The following NEMF variants were observed in gnomAD, a reference collection of about 807,000 sequenced individuals.
NEMF encodes ribosome quality control complex subunit NEMF.
Under a neutral mutation model 162.2 loss-of-function variants are expected in NEMF, and 89 were observed. The ratio of observed to expected loss-of-function variants is 0.55; its 90% CI spans 0.46 to 0.65. The LOEUF is 0.65. Among genes scored for constraint, NEMF ranks in the 30% least tolerant of loss-of-function variants. The probability of loss-of-function intolerance (pLI) is 0.00; values close to 1 mark genes in which losing one functional copy is unlikely to be tolerated. For synonymous variants in NEMF, 421 were observed against 404.5 expected, an observed-to-expected ratio of 1.04 and a Z score of -0.49; for missense variants, 1,133 against 1,261.9, an observed-to-expected ratio of 0.90 and a Z score of 1.55.
Position 49,788,627 on chromosome 14 carries a change from G to A in NEMF, c.2895+519C>T, listed in dbSNP as rs61324615. On this transcript the variant is annotated intron_variant, in intron 28 of 32. Coordinates refer to ENST00000298310, the MANE Select transcript of NEMF (RefSeq NM_004713.6). The stretch of plus-strand genomic sequence containing the variant: ...GGCTGGAGTGCAGTGGCACAATCTC[G>A]GCTCACTGCAAGCTCTGCCTCCCAG... Among the ~76,000 whole-genome samples, 64 of 147,860 alleles carry A rather than the reference G, an allele frequency of 4.3e-4. No individual in the cohort carries two copies. In the South Asian group the frequency reaches 4.9e-3, roughly 11 times the overall value.
Position 49,784,677 on chromosome 14 carries a change from T to C in NEMF, c.3190A>G (p.Lys1064Glu). The change falls in exon 33 of 33, where the codon AAA becomes GAA. Residue 1064 changes from lysine (K) to glutamate (E), a missense_variant. Lys to Glu is a moderately conservative substitution (Grantham distance 56). Coordinates refer to ENST00000298310, the MANE Select transcript of NEMF (RefSeq NM_004713.6). ...DLSRNIPGKV[K>E]VSAPNLLNVK... ...TTCAGAAGATTGGGTGCAGACACTTTCACTTTGCCAGGAATGTTTCTTGAT... is the reference window on the plus strand; with the variant it reads ...TTCAGAAGATTGGGTGCAGACACTTCCACTTTGCCAGGAATGTTTCTTGAT... 4 of 1,612,796 alleles carry C rather than the reference T, an allele frequency of 2.5e-6. No individual in the cohort carries two copies. The highest frequency in any genetic ancestry group is 1.1e-5 in the South Asian group (1 of 90,784).
chr14:49,847,357 C>A (rs1342519442), intron 3 of NEMF, among the ~76,000 whole-genome samples: 1 of 151,962 alleles, frequency 6.6e-6, no homozygotes, highest in Non-Finnish European at 1.5e-5. Flanking sequence ...GCGCCCACTA[C>A]CACGCCTGGC....
chr14:49,846,226 T>C lies in NEMF; in HGVS notation c.271A>G (p.Lys91Glu), dbSNP rs879443386. The part of the protein sequence containing the change: ...HLKSRRLVSA[K>E]QLGVDRIVDF... ...ACAATTCTATCCACACCAAGCTGTTTTGCACTGACTAATCTCCGACTCTTC... is the reference window on the plus strand; with the variant it reads ...ACAATTCTATCCACACCAAGCTGTTCTGCACTGACTAATCTCCGACTCTTC... The change falls in exon 4 of 33, where the codon AAA becomes GAA. Residue 91 changes from lysine to glutamate, a missense_variant. Physicochemically the swap from Lys to Glu is moderately conservative, Grantham distance 56. Around this residue, in one of 3 missense-constraint regions of NEMF, gnomAD observed 582 missense variants for 631.5 expected, o/e 0.92. Coordinates refer to ENST00000298310, the MANE Select transcript of NEMF (RefSeq NM_004713.6). 8 of 1,613,742 alleles carry C rather than the reference T, an allele frequency of 5.0e-6. No individual in the cohort carries two copies. Among genetic ancestry groups the C allele is most frequent in the East Asian group, 4.5e-5 (2 of 44,870 alleles).
In NEMF at chr14:49,783,174, G is replaced by A; in HGVS notation, c.*1462C>T. 2.8e-6 allele frequency: 1 copy of A among 354,022 alleles called. No homozygotes were observed. Among genetic ancestry groups the A allele is most frequent in the Non-Finnish European group, 5.0e-6 (1 of 199,154 alleles). The allele number at this position is 354,022 out of a possible 1,614,324, so 21.9% of individuals were successfully genotyped here. A position where few individuals can be genotyped will look rare whatever the true frequency, so the allele number is the denominator to read the frequency against. ...TCTATTAAAGTAAAGTAATGGTTGG[G>A]CTTTTTACCCTGAAGAATGGTTGCT... On this transcript the variant is annotated 3_prime_UTR_variant, in exon 33 of 33. Transcript: ENST00000298310.
chr14:49,809,993 T>C (rs1045903983), intron 18 of NEMF, among the ~76,000 whole-genome samples: 1 of 151,998 alleles, frequency 6.6e-6, no homozygotes, highest in African/African-American at 2.4e-5. Flanking sequence ...TACGCATGCA[T>C]GCAGCAGGGG....
chr14:49,786,645 T>G, intron 29 of NEMF, 73 bp downstream of exon 29: 1 of 1,416,970 alleles, frequency 7.1e-7, no homozygotes, highest in Non-Finnish European at 9.9e-7. Context: ...TTTTAATAAG[T>G]TGTGTTTCAA....
intron 16 of NEMF, among the ~76,000 whole-genome samples, chr14:49,822,335 TAA>T (rs1228746886): frequency 2.5e-5 from 3 of 118,880 alleles, no homozygotes; most frequent in South Asian, 2.6e-4. Context: ...CACATTTTAA[TAA>T]AAAAAAAAAA....
chr14:49,832,180 C>A (rs752963868), intron 9 of NEMF, 27 bp downstream of exon 9: 1 of 1,598,466 alleles, frequency 6.3e-7, no homozygotes, highest in Non-Finnish European at 8.5e-7. Flanking sequence ...ACATCCAAAG[C>A]AAATTGACCC....
intron 4 of NEMF, among the ~76,000 whole-genome samples, chr14:49,844,630 ATTTG>A (rs572252899): frequency 3.9e-5 from 6 of 152,044 alleles, no homozygotes; most frequent in African/African-American, 1.4e-4. Flanking sequence ...GCTACACTAA[ATTTG>A]TTTTTTATTT....
At chr14:49,799,606 A>C (rs1056178508) in intron 24 of NEMF, 30 bp downstream of exon 24, 4 of 1,601,298 alleles carry the variant, frequency 2.5e-6, no homozygotes, top group Non-Finnish European at 3.4e-6. Context: ...TGAGAATCGG[A>C]TGTTCTTCAT....
intron 18 of NEMF, among the ~76,000 whole-genome samples, chr14:49,811,666 T>C (rs1171929282): frequency 6.6e-6 from 1 of 152,188 alleles, no homozygotes; most frequent in Non-Finnish European, 1.5e-5. Context: ...AATGTTGAAT[T>C]TTGTCAAATG....
chr14:49,800,212 A>C (rs1364638730), intron 23 of NEMF, among the ~76,000 whole-genome samples: 4 of 152,086 alleles, frequency 2.6e-5, no homozygotes, highest in Admixed American at 6.6e-5. Context: ...TTCTATTTGG[A>C]TCTAGTTTGG....
intron 18 of NEMF, among the ~76,000 whole-genome samples, chr14:49,807,751 G>A (rs1216632770): frequency 2.6e-5 from 4 of 151,490 alleles, no homozygotes; most frequent in South Asian, 2.1e-4. Context: ...GCACCACTAC[G>A]CCCGGCTAAT....
chr14:49,825,781 G>T, intron 16 of NEMF, 86 bp downstream of exon 16: 1 of 876,486 alleles, frequency 1.1e-6, no homozygotes, highest in Non-Finnish European at 1.8e-6. Flanking sequence ...AACAAGCTTT[G>T]TAGAACTGTT....
chr14:49,784,784 G>T, intron 32 of NEMF, 71 bp from the exon 33 acceptor site: 1 of 1,477,084 alleles, frequency 6.8e-7, no homozygotes, highest in South Asian at 1.2e-5. Flanking sequence ...TGACAAAAAC[G>T]AAAAACATTT....
In NEMF at chr14:49,813,928, T is replaced by C. The variant is rs560391028; in HGVS notation, c.1744+60A>G. On this transcript the variant is annotated intron_variant, in intron 18 of 32. Transcript: ENST00000298310. ...CCTCTATTAAATTTTTGTCTTACAGTCACACTAAAAATATTTTAAAGAAAG... is the reference window on the plus strand; with the variant it reads ...CCTCTATTAAATTTTTGTCTTACAGCCACACTAAAAATATTTTAAAGAAAG... 151 of 1,026,674 alleles carry C rather than the reference T, an allele frequency of 1.5e-4. 3 individuals carry two copies. In the South Asian group the frequency reaches 1.9e-3, roughly 13 times the overall value. 63.6% of individuals were successfully genotyped at this position (1,026,674 alleles called of 1,614,324 possible).
intron 23 of NEMF, among the ~76,000 whole-genome samples, chr14:49,799,909 T>C (rs1235803742): frequency 1.3e-5 from 2 of 152,186 alleles, no homozygotes; most frequent in Admixed American, 1.3e-4. Context: ...CACTGCCAGA[T>C]GGTATACACG....
chr14:49,823,438 G>A (rs550077178), intron 16 of NEMF, among the ~76,000 whole-genome samples: 2 of 149,252 alleles, frequency 1.3e-5, no homozygotes, highest in East Asian at 1.9e-4. Flanking sequence ...CTCTTTTTTT[G>A]CCAGGAACAT....
At chr14:49,818,821 A>G (rs1293332196) in intron 16 of NEMF, among the ~76,000 whole-genome samples, 1 of 151,564 alleles carries the variant, frequency 6.6e-6, no homozygotes, top group Non-Finnish European at 1.5e-5. Flanking sequence ...TACAAGCAGG[A>G]GAAAAAAAGA....
Sources: gnomAD v4.1 joint callset for allele counts (sites outside exome capture counted in the v4.1 genomes callset) on GRCh38, gnomAD v4.1.1 for gene constraint, gnomAD v4.1.1 regional missense constraint, MANE v1.5 for transcripts, NCBI Gene and HGNC (gene_info 2026-07-23, HGNC 2026-07-21) for gene names.